The following CUBN variants were observed in gnomAD, a reference collection of about 807,000 sequenced individuals.
The protein encoded by CUBN is 460 kDa receptor.
Under a neutral mutation model 405.3 loss-of-function variants are expected in CUBN, and 282 were observed. The ratio of observed to expected loss-of-function variants is 0.70; its 90% CI spans 0.63 to 0.77. The LOEUF (loss-of-function observed/expected upper bound fraction) is 0.77. Ranked by LOEUF, CUBN falls within the 30% of genes least tolerant of loss-of-function variation. The probability of loss-of-function intolerance (pLI) is 0.00; values close to 1 mark genes in which losing one functional copy is unlikely to be tolerated. For synonymous variants in CUBN, 1,684 were observed against 1,617.0 expected (o/e 1.04, Z -0.99); for missense variants, 4,514 against 4,475.2 (o/e 1.01, Z -0.25).
In CUBN at chr10:16,938,958, C is replaced by G. The variant is rs775067725; in HGVS notation, c.5733+5G>C. Reference sequence around the variant, plus strand: ...TATGAACATTGATTGCATGTGGAAACTCACCCTTAATTTGTCATAATAGCA... The same window carrying G: ...TATGAACATTGATTGCATGTGGAAAGTCACCCTTAATTTGTCATAATAGCA... On this transcript the variant is annotated splice_donor_5th_base_variant and intron_variant, in intron 38 of 66. Coordinates refer to ENST00000377833, the MANE Select transcript of CUBN (RefSeq NM_001081.4). 1.5e-5 allele frequency: 24 copies of G among 1,610,286 alleles called. No individual in the cohort carries two copies. The South Asian group carries it at 2.6e-4, about 18-fold the overall frequency.
chr10:16,968,454 TTG>T (rs1843462393), intron 31 of CUBN, among the ~76,000 whole-genome samples: 1 of 152,194 alleles, frequency 6.6e-6, no homozygotes, highest in African/African-American at 2.4e-5. Flanking sequence ...TAGCCCTCGT[TTG>T]TGTTTTCCTC....
At chr10:16,963,011 C>A (rs1018126601) in intron 31 of CUBN, among the ~76,000 whole-genome samples, 3 of 151,950 alleles carry the variant, frequency 2.0e-5, no homozygotes, top group African/African-American at 7.3e-5. Context: ...ACCTCAGAGA[C>A]CTCATCTAAA....
At chr10:17,023,614 A>T in intron 27 of CUBN, 1 of 456,002 alleles carries the variant, frequency 2.2e-6, no homozygotes, top group Admixed American at 2.3e-5. Context: ...TGTTAACCAC[A>T]GGACGTTCCA....
intron 8 of CUBN, 97 bp from the exon 9 acceptor site, chr10:17,111,147 G>A: frequency 4.4e-6 from 6 of 1,352,898 alleles, no homozygotes; most frequent in Non-Finnish European, 6.3e-6. Flanking sequence ...CTCCACCTAA[G>A]GAACTATAAA....
At chr10:16,858,678 A>G (rs1262656562) in intron 59 of CUBN, among the ~76,000 whole-genome samples, 1 of 152,222 alleles carries the variant, frequency 6.6e-6, no homozygotes, top group African/African-American at 2.4e-5. Context: ...AAACAACTTC[A>G]CAAAGAAAAA....
intron 55 of CUBN, 55 bp from the exon 56 acceptor site, chr10:16,888,621 T>G (rs1002942468): frequency 6.5e-7 from 1 of 1,539,842 alleles, no homozygotes; most frequent in Non-Finnish European, 9.0e-7. Flanking sequence ...GTATCTATTT[T>G]GTCCATGAAG....
intron 28 of CUBN, among the ~76,000 whole-genome samples, chr10:16,996,021 C>T (rs1304519004): frequency 3.3e-5 from 5 of 152,082 alleles, no homozygotes; most frequent in African/African-American, 9.7e-5. Context: ...CCACCCTCCC[C>T]GATCCTGACC....
chr10:16,825,595 C>G (rs1419377776), intron 66 of CUBN, among the ~76,000 whole-genome samples: 1 of 149,002 alleles, frequency 6.7e-6, no homozygotes, highest in African/African-American at 2.5e-5. Flanking sequence ...AGTTTTTCCT[C>G]TTGAGATTTA....
chr10:17,035,702 G>A (rs1338677532), intron 27 of CUBN, among the ~76,000 whole-genome samples: 3 of 152,126 alleles, frequency 2.0e-5, no homozygotes, highest in Non-Finnish European at 4.4e-5. Flanking sequence ...AATGGAGCTG[G>A]AGGCCATTTT....
At chr10:17,079,837 C>T (rs1324802196) in intron 17 of CUBN, among the ~76,000 whole-genome samples, 1 of 152,122 alleles carries the variant, frequency 6.6e-6, no homozygotes, top group East Asian at 1.9e-4. Flanking sequence ...ATAGTGGAAT[C>T]ATCTCAATGC....
rs546034986 is a variant in CUBN at position 16,824,954 on chromosome 10, T to C, written c.*21A>G. On this transcript the variant is annotated 3_prime_UTR_variant, in exon 67 of 67. Coordinates refer to ENST00000377833, the MANE Select transcript of CUBN (RefSeq NM_001081.4). ...CGTGCTGCAGAGGGAAAGTGCTGAGTGAACACGAGTTGTTACCCACTTAGC... is the reference window on the plus strand; with the variant it reads ...CGTGCTGCAGAGGGAAAGTGCTGAGCGAACACGAGTTGTTACCCACTTAGC... 1 of 1,567,740 alleles carries C rather than the reference T, an allele frequency of 6.4e-7. No homozygotes were observed. Among genetic ancestry groups the C allele is most frequent in the African/African-American group, 1.4e-5 (1 of 74,048 alleles).
At chr10:16,971,712 T>C (rs538491269) in intron 31 of CUBN, among the ~76,000 whole-genome samples, 1 of 152,290 alleles carries the variant, frequency 6.6e-6, no homozygotes, top group East Asian at 1.9e-4. Context: ...GGTGTCTCTG[T>C]CCTGAAAACA....
At position 17,065,650 on chromosome 10, in the gene CUBN, C is replaced by G. The variant is rs781555774; in HGVS notation, c.3009-12G>C. 2 of 1,612,802 alleles carry G rather than the reference C, an allele frequency of 1.2e-6. No individual in the cohort carries two copies. Among genetic ancestry groups the G allele is most frequent in the South Asian group, 2.2e-5 (2 of 91,046 alleles). On this transcript the variant is annotated splice_polypyrimidine_tract_variant and intron_variant, in intron 21 of 66. Transcript: ENST00000377833. ...ACTTTCCACAGTATCTATTCCAAAC[C>G]AAGAAAGGACAGATGTGTGTATTTT...
rs1835005120 is a variant in CUBN at position 17,041,015 on chromosome 10, A to T, written c.4017+18T>A. 1 of 1,608,058 alleles carries T rather than the reference A, an allele frequency of 6.2e-7. No homozygotes were observed. The highest frequency in any genetic ancestry group is 8.5e-7 in the Non-Finnish European group (1 of 1,174,510). On this transcript the variant is annotated intron_variant, in intron 27 of 66. Coordinates refer to ENST00000377833, the MANE Select transcript of CUBN (RefSeq NM_001081.4). ...TGATCTGAAAAAGCAGTGATCAATC[A>T]AGCTTTATAATACATACCTCTAAAT... is the stretch of plus-strand genomic sequence containing the variant.
chr10:16,893,475 A>G (rs1841095265), intron 54 of CUBN, among the ~76,000 whole-genome samples: 1 of 152,158 alleles, frequency 6.6e-6, no homozygotes, highest in South Asian at 2.1e-4. Flanking sequence ...CTGAAATTCC[A>G]ATACCACAGG....
At chr10:16,906,848 A>C (rs186708861) in intron 49 of CUBN, among the ~76,000 whole-genome samples, 265 of 152,350 alleles carry the variant, frequency 1.7e-3, no homozygotes, top group African/African-American at 6.1e-3. Context: ...CTTTTAATAA[A>C]GGAACAGATG....
rs1168137494 is a variant in CUBN, at chr10:17,129,761, A to G, written c.5T>C (p.Met2Thr). The part of the protein sequence containing the change: M[M>T]NMSLPFLWSL... ...CCAAAGAAAAGGTAAAGACATGTTC[A>G]TCATCAACCTCCCAGGTTGGCAGGT... Residue 2 changes from methionine to threonine, a missense_variant, in exon 1 of 67, where the codon ATG becomes ACG. By Grantham distance (81) the Met-to-Thr change is moderately conservative (BLOSUM62 -1). Transcript: ENST00000377833. 2.5e-6 allele frequency: 4 copies of G among 1,614,130 alleles called. No individual in the cohort carries two copies. Among genetic ancestry groups the G allele is most frequent in the Non-Finnish European group, 3.4e-6 (4 of 1,179,968 alleles).
chr10:17,071,979 GA>G lies in CUBN; in HGVS notation c.2302-9del. On this transcript the variant is annotated splice_polypyrimidine_tract_variant and intron_variant, in intron 17 of 66. Transcript: ENST00000377833. ...GGTTTCACCATCTCGAACCTAAAGA[GA>G]AAAATAAAATAGAGATGTAATTCAA... is the stretch of plus-strand genomic sequence containing the variant. 1 of 1,606,680 alleles carries G rather than the reference GA, an allele frequency of 6.2e-7. No individual in the cohort carries two copies. The highest frequency in any genetic ancestry group is 1.3e-5 in the African/African-American group (1 of 74,796).
At chr10:16,862,697 T>C (rs946579710) in intron 59 of CUBN, among the ~76,000 whole-genome samples, 2 of 152,234 alleles carry the variant, frequency 1.3e-5, no homozygotes, top group Admixed American at 6.5e-5. Flanking sequence ...CTGGGAATGC[T>C]ATAACAAAGC....
Sources: allele counts gnomAD v4.1 joint callset (sites outside exome capture counted in the v4.1 genomes callset), GRCh38; gene constraint gnomAD v4.1.1; transcripts MANE v1.5; gene names NCBI Gene and HGNC (gene_info 2026-07-23, HGNC 2026-07-21).